TOM1L2: variants seen among roughly 807,000 people sequenced by gnomAD.
TOM1L2 encodes target of myb1 like 2 membrane trafficking protein.
TOM1L2 carries 31 observed loss-of-function variants against 67.9 expected under a neutral mutation model. That is an observed-to-expected ratio of 0.46 (90% CI 0.34 to 0.62). TOM1L2 has a LOEUF of 0.62. TOM1L2 is among the 20% of genes least tolerant of loss of function. TOM1L2 has a pLI of 0.01. For missense variants in TOM1L2, 606 were observed against 663.5 expected, an observed-to-expected ratio of 0.91 and a Z score of 0.95; for synonymous variants, 256 against 254.0, an observed-to-expected ratio of 1.01 and a Z score of -0.07.
intron 1 of TOM1L2, among the ~76,000 whole-genome samples, chr17:17,958,336 T>C (rs183959980): frequency 3.7e-4 from 56 of 152,322 alleles, no homozygotes; most frequent in African/African-American, 1.3e-3. Flanking sequence ...TTCTCTGGTC[T>C]GGACCAGTGC....
intron 12 of TOM1L2, chr17:17,859,620 T>A (rs978420178): frequency 2.0e-5 from 3 of 152,218 alleles, no homozygotes; most frequent in African/African-American, 2.4e-5. Flanking sequence ...GTGGCTCACA[T>A]CTGTAATCCC....
At position 17,847,663 on chromosome 17, in the gene TOM1L2, C is replaced by G. The variant is rs1332115184; in HGVS notation, c.1496G>C (p.Arg499Pro). Residue 499 changes from arginine to proline, a missense_variant, in exon 15 of 15, where the codon CGG (arginine) becomes CCG (proline). Around this residue, in one of 2 missense-constraint regions of TOM1L2, gnomAD observed 543 missense variants for 554.0 expected, o/e 0.98. Transcript: ENST00000379504. ...SNPSGRKKPE[R>P]SEDALFAL ...CAGGGCGAAGAGGGCATCCTCTGAC[C>G]GCTCTGGCTTCTTCCGGCCAGAAGG... 7 of 1,613,318 alleles carry G rather than the reference C, an allele frequency of 4.3e-6. No individual in the cohort carries two copies. The Admixed American group carries it at 8.3e-5, about 19-fold the overall frequency.
chr17:17,914,929 GCAGA>G (rs1331853195), intron 1 of TOM1L2, among the ~76,000 whole-genome samples: 6 of 152,304 alleles, frequency 3.9e-5, no homozygotes, highest in Non-Finnish European at 7.4e-5. Context: ...GCTTTTTAAT[GCAGA>G]CAGAAGACTG....
chr17:17,924,222 A>T (rs1251644243), intron 1 of TOM1L2, among the ~76,000 whole-genome samples: 2 of 152,196 alleles, frequency 1.3e-5, no homozygotes, highest in Non-Finnish European at 2.9e-5. Context: ...AAATCTATAG[A>T]GACAGAAAAT....
At chr17:17,947,626 G>A (rs751128344) in intron 1 of TOM1L2, among the ~76,000 whole-genome samples, 5 of 152,118 alleles carry the variant, frequency 3.3e-5, no homozygotes, top group East Asian at 1.9e-4. Flanking sequence ...AAATAAGTTC[G>A]GTTAAGCCTT....
In TOM1L2 at chr17:17,844,458, A is replaced by G. The variant is rs1417182758; in HGVS notation, c.*3177T>C. 6.6e-6 allele frequency: 1 copy of G among 152,336 alleles called. No homozygotes were observed. The highest frequency in any genetic ancestry group is 6.5e-5 in the Admixed American group (1 of 15,290). The allele number at this position is 152,336 out of a possible 1,614,324, so 9.4% of individuals were successfully genotyped here. On this transcript the variant is annotated 3_prime_UTR_variant, in exon 15 of 15. Transcript: ENST00000379504. ...TGGGGTGGTGGGGGAAGGCTAGTGA[A>G]CCAAGGCACCATCACTCACATGGAG...
intron 12 of TOM1L2, among the ~76,000 whole-genome samples, chr17:17,855,615 T>C (rs898090614): frequency 1.3e-5 from 2 of 152,192 alleles, no homozygotes; most frequent in African/African-American, 4.8e-5. Context: ...GTCAGTTAAC[T>C]TCTGTGTTGG....
Position 17,846,575 on chromosome 17 carries a change from G to C in TOM1L2, c.*1060C>G, listed in dbSNP as rs1451148525. 6.6e-6 allele frequency: 1 copy of C among 152,556 alleles called. No homozygotes were observed. Among genetic ancestry groups the C allele is most frequent in the Non-Finnish European group, 1.5e-5 (1 of 68,284 alleles). 9.5% of individuals were successfully genotyped at this position (152,556 alleles called of 1,614,324 possible). On this transcript the variant is annotated 3_prime_UTR_variant, in exon 15 of 15. Transcript: ENST00000379504. ...GGAGGCCAGACTGTCAGGAGAGTCT[G>C]TGCAAGGAGGCCAAGGCCTATGCCA...
At chr17:17,869,637 C>A in intron 7 of TOM1L2, 164 bp from the exon 8 acceptor site, 1 of 1,397,528 alleles carries the variant, frequency 7.2e-7, no homozygotes, top group Non-Finnish European at 9.3e-7. Context: ...TCCCTCTTCA[C>A]TGCCTGCCCC....
rs555540711 is a variant in TOM1L2, at chr17:17,847,424, C to T, written c.*211G>A. The T allele has an allele frequency of 1.0e-4, 65 of 628,302 alleles. No individual in the cohort carries two copies. Among genetic ancestry groups the T allele is most frequent in the Middle Eastern group, 4.4e-4 (1 of 2,274 alleles). 38.9% of individuals were successfully genotyped at this position (628,302 alleles called of 1,614,324 possible). ...GGCCCATGGTGGGAGGGGAGAGAGT[C>T]TCTGGCTGCAGTTGTCCCACCACTC... On this transcript the variant is annotated 3_prime_UTR_variant, in exon 15 of 15. Transcript: ENST00000379504.
intron 1 of TOM1L2, among the ~76,000 whole-genome samples, chr17:17,967,832 T>C (rs956100116): frequency 6.6e-6 from 1 of 152,090 alleles, no homozygotes. Context: ...GGTCTTGAAC[T>C]CCTAACCTCA....
In TOM1L2 at chr17:17,898,557, C is replaced by T. The variant is rs576286385; in HGVS notation, c.216+39G>A. 22 of 1,607,752 alleles carry T rather than the reference C, an allele frequency of 1.4e-5. No homozygotes were observed. The South Asian group carries it at 2.4e-4, about 18-fold the overall frequency. ...GGGGCAAGGCCAGGAGCAAGGAGTT[C>T]CCCAGATGACTTCTCTCCTCAAGGA... On this transcript the variant is annotated intron_variant, in intron 3 of 14. Coordinates refer to ENST00000379504, the MANE Select transcript of TOM1L2 (RefSeq NM_001082968.2).
In TOM1L2 at chr17:17,866,369, A is replaced by T; in HGVS notation, c.1011T>A (p.Ser337=). The T allele has an allele frequency of 6.2e-7, 1 of 1,609,590 alleles. No homozygotes were observed. Among genetic ancestry groups the T allele is most frequent in the South Asian group, 1.1e-5 (1 of 89,990 alleles). Residue 337 remains serine, a synonymous_variant, in exon 10 of 15, where the codon TCT becomes TCA. Coordinates refer to ENST00000379504, the MANE Select transcript of TOM1L2 (RefSeq NM_001082968.2). The part of the protein sequence containing the change: ...EDNLIDLGPG[S]PAVVSPMVGN... The stretch of plus-strand genomic sequence containing the variant: ...CCACCATTGGGCTCACCACGGCTGG[A>T]GACCCTGGCCCCAGGTCTATTAAGT...
intron 1 of TOM1L2, 90 bp from the exon 2 acceptor site, chr17:17,907,621 C>T: frequency 8.7e-7 from 1 of 1,143,082 alleles, no homozygotes; most frequent in Non-Finnish European, 1.3e-6. Flanking sequence ...CCACCACATT[C>T]TTCTCCCAAG....
rs769042756 is a variant in TOM1L2, at chr17:17,898,636, T to C, written c.176A>G (p.Asn59Ser). 1.4e-5 allele frequency: 22 copies of C among 1,614,110 alleles called. No homozygotes were observed. Among genetic ancestry groups the C allele is most frequent in the South Asian group, 4.4e-5 (4 of 91,090 alleles). ...DAIRALKKRLNGNRNYREVML... is the reference protein window; with the variant it reads ...DAIRALKKRLSGNRNYREVML... ...CACCTCTCTGTAGTTCCGGTTCCCG[T>C]TGAGCCGCTTCTTCAGGGCTCGAAT... Residue 59 changes from asparagine (N) to serine (S), a missense_variant, in exon 3 of 15, where the codon AAC becomes AGC. Coordinates refer to ENST00000379504, the MANE Select transcript of TOM1L2 (RefSeq NM_001082968.2).
intron 12 of TOM1L2, among the ~76,000 whole-genome samples, chr17:17,851,816 A>AC (rs1478506305): frequency 6.6e-6 from 1 of 152,168 alleles, no homozygotes; most frequent in Non-Finnish European, 1.5e-5. Context: ...CAGGGAGGTG[A>AC]CAGCTTCCAG....
intron 1 of TOM1L2, among the ~76,000 whole-genome samples, chr17:17,949,369 T>C (rs2041088569): frequency 6.6e-6 from 1 of 152,168 alleles, no homozygotes; most frequent in African/African-American, 2.4e-5. Context: ...GCTTCATCTC[T>C]GACAAGAGCC....
At chr17:17,899,874 T>C (rs1363310934) in intron 2 of TOM1L2, among the ~76,000 whole-genome samples, 1 of 152,140 alleles carries the variant, frequency 6.6e-6, no homozygotes, top group African/African-American at 2.4e-5. Flanking sequence ...TATGAGGAAG[T>C]TGAGGAGGGG....
intron 2 of TOM1L2, among the ~76,000 whole-genome samples, chr17:17,901,105 A>T (rs2038832000): frequency 6.6e-6 from 1 of 152,202 alleles, no homozygotes; most frequent in Non-Finnish European, 1.5e-5. Context: ...TTTAAAATGA[A>T]AATTCATCCA....
Sources: gnomAD v4.1 joint callset for allele counts (sites outside exome capture counted in the v4.1 genomes callset) on GRCh38, gnomAD v4.1.1 for gene constraint, gnomAD v4.1.1 regional missense constraint, MANE v1.5 for transcripts, NCBI Gene and HGNC (gene_info 2026-07-23, HGNC 2026-07-21) for gene names.